Variants in SMIM10L3 observed in about 807,000 individuals in gnomAD.
SMIM10L3 encodes the protein salivary gland specific protein SAGSIN1.
At chr7:6,345,213 G>A in the SMIM10L3 span, among the ~76,000 whole-genome samples, 1 of 151,844 alleles carries the variant, frequency 6.6e-6, no homozygotes, top group Non-Finnish European at 1.5e-5. Flanking sequence ...GGCCTCCTTG[G>A]CTCAAGCGAT....
the SMIM10L3 span, among the ~76,000 whole-genome samples, chr7:6,336,682 C>CAA: frequency 1.2e-4 from 15 of 122,954 alleles, no homozygotes; most frequent in African/African-American, 4.2e-4. Context: ...AGACTTTGTC[C>CAA]AAAAAAAAAA....
chr7:6,332,034 C>T, the SMIM10L3 span, among the ~76,000 whole-genome samples: 1 of 150,948 alleles, frequency 6.6e-6, no homozygotes, highest in East Asian at 2.0e-4. Flanking sequence ...ATCGCTTGAA[C>T]CCAGGAGGTG....
the SMIM10L3 span, among the ~76,000 whole-genome samples, chr7:6,338,285 G>A: frequency 3.6e-4 from 55 of 152,120 alleles, no homozygotes; most frequent in Non-Finnish European, 6.5e-4. Flanking sequence ...CAGTATGCTA[G>A]AGATATATTG....
the SMIM10L3 span, among the ~76,000 whole-genome samples, chr7:6,331,954 C>T: frequency 6.6e-6 from 1 of 151,378 alleles, no homozygotes; most frequent in Non-Finnish European, 1.5e-5. Flanking sequence ...CCATGTTGGC[C>T]AGGTGAAATT....
chr7:6,337,112 C>G, the SMIM10L3 span, among the ~76,000 whole-genome samples: 1 of 150,408 alleles, frequency 6.6e-6, no homozygotes, highest in African/African-American at 2.4e-5. Flanking sequence ...CTCTGTCTCG[C>G]CCAGGCTGGA....
At chr7:6,348,550 C>T in the SMIM10L3 span, 2 of 427,306 alleles carry the variant, frequency 4.7e-6, no homozygotes, top group Non-Finnish European at 8.3e-6. Flanking sequence ...GGGCCGGGGG[C>T]CGGGCAGGCA....
chr7:6,342,861 AC>A, the SMIM10L3 span, among the ~76,000 whole-genome samples: 2 of 151,328 alleles, frequency 1.3e-5, no homozygotes, highest in Non-Finnish European at 2.9e-5. Context: ...ACATAGTGAG[AC>A]CCCATCTAGA....
the SMIM10L3 span, among the ~76,000 whole-genome samples, chr7:6,346,675 G>A: frequency 6.6e-6 from 1 of 152,144 alleles, no homozygotes; most frequent in Non-Finnish European, 1.5e-5. Flanking sequence ...GTGAGCTACT[G>A]TGCCCAGCCA....
chr7:6,331,043 G>A, the SMIM10L3 span: 1 of 1,613,952 alleles, frequency 6.2e-7, no homozygotes, highest in Non-Finnish European at 8.5e-7. Flanking sequence ...GCAGGCCAAG[G>A]GCCCTCCGGC....
the SMIM10L3 span, among the ~76,000 whole-genome samples, chr7:6,345,202 C>T: frequency 1.3e-5 from 2 of 152,030 alleles, no homozygotes; most frequent in Non-Finnish European, 2.9e-5. Context: ...ACTGCATCTT[C>T]GGCCTCCTTG....
the SMIM10L3 span, among the ~76,000 whole-genome samples, chr7:6,341,395 TC>T: frequency 1.9e-4 from 28 of 149,902 alleles, no homozygotes; most frequent in African/African-American, 6.7e-4. Flanking sequence ...TGAGCGGAGA[TC>T]GCGCCACTGT....
chr7:6,348,690 G>GCT, the SMIM10L3 span: 29 of 461,310 alleles, frequency 6.3e-5, no homozygotes, highest in Admixed American at 1.1e-3. Context: ...CCTTGCAGAA[G>GCT]ACCCCATAGG....
At chr7:6,329,711 C>T in the SMIM10L3 span, 5 of 166,042 alleles carry the variant, frequency 3.0e-5, no homozygotes, top group Admixed American at 2.0e-4. Context: ...CGATTTGCTT[C>T]TCTGTAACTG....
At chr7:6,342,490 G>A in the SMIM10L3 span, among the ~76,000 whole-genome samples, 8 of 151,454 alleles carry the variant, frequency 5.3e-5, no homozygotes, top group Admixed American at 1.3e-4. Flanking sequence ...AGTGAGCCAA[G>A]ATCACACCAT....
At chr7:6,342,872 A>C in the SMIM10L3 span, among the ~76,000 whole-genome samples, 2 of 151,636 alleles carry the variant, frequency 1.3e-5, no homozygotes, top group Non-Finnish European at 2.9e-5. Flanking sequence ...CCCCATCTAG[A>C]AACAAAATGA....
chr7:6,332,809 A>G, the SMIM10L3 span, among the ~76,000 whole-genome samples: 951 of 152,320 alleles, frequency 6.2e-3, 14 homozygotes, highest in African/African-American at 0.021. Flanking sequence ...TGTTTCTCTA[A>G]TCTTATGGAA....
At chr7:6,330,745 G>A in the SMIM10L3 span, 6 of 1,614,018 alleles carry the variant, frequency 3.7e-6, no homozygotes, top group East Asian at 4.5e-5. Flanking sequence ...GCCGTCAGTG[G>A]CCCTGGGCCC....
the SMIM10L3 span, among the ~76,000 whole-genome samples, chr7:6,337,432 T>C: frequency 6.6e-6 from 1 of 151,426 alleles, no homozygotes; most frequent in Non-Finnish European, 1.5e-5. Flanking sequence ...AGTATTTTAA[T>C]TCTCAAGAAA....
At chr7:6,343,980 G>T in the SMIM10L3 span, among the ~76,000 whole-genome samples, 2 of 152,056 alleles carry the variant, frequency 1.3e-5, no homozygotes, top group African/African-American at 4.8e-5. Context: ...TGAACTCCCA[G>T]GCACAGGTGA....
Sources: allele counts gnomAD v4.1 joint callset (sites outside exome capture counted in the v4.1 genomes callset), GRCh38; gene constraint gnomAD v4.1.1; transcripts MANE v1.5; gene names NCBI Gene and HGNC (gene_info 2026-07-23, HGNC 2026-07-21).